HCRTR2: variants seen among roughly 807,000 people sequenced by gnomAD.
HCRTR2 encodes hypocretin receptor 2.
HCRTR2 carries 22 observed loss-of-function variants against 49.0 expected under a neutral mutation model. The ratio of observed to expected loss-of-function variants is 0.45; its 90% CI spans 0.32 to 0.64. The LOEUF (loss-of-function observed/expected upper bound fraction) is 0.64, where lower values mean the gene tolerates loss of function less well. Among genes scored for constraint, HCRTR2 ranks in the 30% least tolerant of loss-of-function variants. The pLI is 0.04. For missense variants in HCRTR2, 491 were observed against 559.4 expected (o/e 0.88, Z 1.23); for synonymous variants, 236 against 205.3 (o/e 1.15, Z -1.28).
rs199661865 is a variant in HCRTR2 at position 55,280,343 on chromosome 6, A to G, written c.1004A>G (p.His335Arg). Reference protein sequence around the residue: ...VLKRVFGMFAHTEDRETVYAW... With the variant: ...VLKRVFGMFARTEDRETVYAW... The stretch of plus-strand genomic sequence containing the variant: ...TGCAGAGTATTTGGGATGTTTGCCC[A>G]TACTGAAGACAGAGAGACTGTGTAT... The change falls in exon 6 of 7, where the codon CAT (histidine) becomes CGT (arginine). Residue 335 changes from histidine to arginine, a missense_variant. Physicochemically the swap from His to Arg is conservative, Grantham distance 29. Coordinates refer to ENST00000370862, the MANE Select transcript of HCRTR2 (RefSeq NM_001384272.1). 4.3e-6 allele frequency: 7 copies of G among 1,609,210 alleles called. No homozygotes were observed. Among genetic ancestry groups the G allele is most frequent in the Middle Eastern group, 3.3e-4 (2 of 6,070 alleles).
At chr6:55,107,408 A>G (rs1763988545) in intron 1 of HCRTR2, among the ~76,000 whole-genome samples, 2 of 152,070 alleles carry the variant, frequency 1.3e-5, no homozygotes, top group Non-Finnish European at 2.9e-5. Context: ...TTATGAATAT[A>G]TAGGTATCTT....
intron 1 of HCRTR2, among the ~76,000 whole-genome samples, chr6:55,212,522 G>A (rs1446394185): frequency 6.6e-6 from 1 of 152,108 alleles, no homozygotes; most frequent in African/African-American, 2.4e-5. Flanking sequence ...GCTTTCTGCT[G>A]TAAATCAAAA....
intron 1 of HCRTR2, among the ~76,000 whole-genome samples, chr6:55,178,494 T>C (rs192741594): frequency 6.6e-6 from 1 of 152,176 alleles, no homozygotes; most frequent in African/African-American, 2.4e-5. Flanking sequence ...TATAAAGACA[T>C]ATAAAGGGAC....
chr6:55,118,707 A>C (rs1280835877), intron 1 of HCRTR2, among the ~76,000 whole-genome samples: 1 of 151,744 alleles, frequency 6.6e-6, no homozygotes, highest in Admixed American at 6.6e-5. Flanking sequence ...TCATCTTTGA[A>C]AGGTGCCTGT....
At position 55,268,861 on chromosome 6, in the gene HCRTR2, C is replaced by T. The variant is rs191793617; in HGVS notation, c.762+5039C>T. On this transcript the variant is annotated intron_variant, in intron 4 of 6. Transcript: ENST00000370862. ...ATCCCAGCACTTTGGGAGGCTGAGG[C>T]GGGTGGATCACGAGGTCAGAAGATT... Among the ~76,000 whole-genome samples, 269 of 151,868 alleles carry T rather than the reference C, an allele frequency of 1.8e-3. 1 individual carries two copies. The highest frequency in any genetic ancestry group is 3.4e-3 in the Middle Eastern group (1 of 292).
chr6:55,250,126 A>C (rs1197981731), intron 2 of HCRTR2, among the ~76,000 whole-genome samples: 1 of 152,134 alleles, frequency 6.6e-6, no homozygotes, highest in Non-Finnish European at 1.5e-5. Flanking sequence ...TAGTAAGTGG[A>C]AAATACTATA....
chr6:55,107,064 G>C, intron 1 of HCRTR2, among the ~76,000 whole-genome samples: 1 of 152,104 alleles, frequency 6.6e-6, no homozygotes, highest in East Asian at 1.9e-4. Context: ...TGATTGCAAA[G>C]GGCACATAAG....
chr6:55,108,943 T>A (rs557947154), intron 1 of HCRTR2, among the ~76,000 whole-genome samples: 1 of 152,116 alleles, frequency 6.6e-6, no homozygotes, highest in Admixed American at 6.5e-5. Context: ...CTCCACTCAC[T>A]GGCTGCCTGC....
At chr6:55,108,943 T>C (rs557947154) in intron 1 of HCRTR2, among the ~76,000 whole-genome samples, 1 of 152,234 alleles carries the variant, frequency 6.6e-6, no homozygotes, top group African/African-American at 2.4e-5. Context: ...CTCCACTCAC[T>C]GGCTGCCTGC....
intron 1 of HCRTR2, chr6:55,240,830 T>C (rs1241041261): frequency 1.7e-5 from 7 of 401,428 alleles, no homozygotes; most frequent in South Asian, 5.6e-5. Flanking sequence ...GAGTTAAATA[T>C]AGGCTTTCTT....
chr6:55,283,952 T>C (rs775489934), downstream of HCRTR2, among the ~76,000 whole-genome samples: 14 of 152,216 alleles, frequency 9.2e-5, no homozygotes, highest in South Asian at 2.1e-4. Context: ...TGAGATCATA[T>C]TGTAAAATAT....
chr6:55,135,656 A>C (rs927083786), intron 1 of HCRTR2, among the ~76,000 whole-genome samples: 14 of 152,128 alleles, frequency 9.2e-5, no homozygotes, highest in African/African-American at 3.4e-4. Context: ...CCCCTTTCTA[A>C]ACACTTTACA....
chr6:55,188,708 C>T (rs1765266170), intron 1 of HCRTR2, among the ~76,000 whole-genome samples: 1 of 152,274 alleles, frequency 6.6e-6, no homozygotes, highest in East Asian at 1.9e-4. Context: ...AGGCATGGTT[C>T]TTACCTACAA....
chr6:55,171,036 A>G (rs1764942917), upstream of HCRTR2, among the ~76,000 whole-genome samples: 1 of 152,072 alleles, frequency 6.6e-6, no homozygotes, highest in South Asian at 2.1e-4. Flanking sequence ...GTGCCGCAAT[A>G]AACATATGTG....
At chr6:55,273,186 T>C (rs1049156276) in intron 4 of HCRTR2, among the ~76,000 whole-genome samples, 12 of 151,964 alleles carry the variant, frequency 7.9e-5, no homozygotes, top group Admixed American at 2.0e-4. Context: ...CATCTTCATA[T>C]GGTGGTGGGT....
chr6:55,193,489 A>AAAC (rs911656020), intron 1 of HCRTR2, among the ~76,000 whole-genome samples: 3 of 151,814 alleles, frequency 2.0e-5, no homozygotes, highest in East Asian at 1.9e-4. Context: ...AACGACAAAG[A>AAAC]AACAACAACA....
chr6:55,184,432 G>A (rs1193337343), intron 1 of HCRTR2, among the ~76,000 whole-genome samples: 2 of 151,782 alleles, frequency 1.3e-5, no homozygotes, highest in African/African-American at 4.8e-5. Context: ...TCACATTTTG[G>A]CCTCACACTG....
chr6:55,150,453 C>T (rs1390548117), intron 1 of HCRTR2, among the ~76,000 whole-genome samples: 1 of 151,956 alleles, frequency 6.6e-6, no homozygotes, highest in Non-Finnish European at 1.5e-5. Flanking sequence ...ACCTACTCAT[C>T]TTCTATAACT....
intron 1 of HCRTR2, among the ~76,000 whole-genome samples, chr6:55,194,323 T>C (rs993150780): frequency 1.3e-5 from 2 of 152,132 alleles, no homozygotes; most frequent in Admixed American, 6.5e-5. Flanking sequence ...AGTATGTGAC[T>C]TCCCTTTAAA....
Sources: allele counts gnomAD v4.1 joint callset (sites outside exome capture counted in the v4.1 genomes callset), GRCh38; gene constraint gnomAD v4.1.1; transcripts MANE v1.5; gene names NCBI Gene and HGNC (gene_info 2026-07-23, HGNC 2026-07-21).